NRXN3: variants seen among roughly 807,000 people sequenced by gnomAD.
NRXN3 encodes neurexin 3.
In NRXN3, 32 loss-of-function variants were observed where a neutral mutation model predicts 137.6. The ratio of observed to expected loss-of-function variants is 0.23; its 90% CI spans 0.18 to 0.31. NRXN3 has a LOEUF of 0.31. Among genes scored for constraint, NRXN3 ranks in the 10% least tolerant of loss-of-function variants. The pLI is 1.00. For missense variants in NRXN3, 1,574 were observed against 2,062.5 expected (o/e 0.76, Z 4.59); for synonymous variants, 798 against 784.5 (o/e 1.02, Z -0.29).
intron 10 of NRXN3, among the ~76,000 whole-genome samples, chr14:78,939,595 T>A (rs2099349105): frequency 6.6e-6 from 1 of 152,220 alleles, no homozygotes; most frequent in Admixed American, 6.5e-5. Context: ...TGGCCATAGC[T>A]ATCACTTGCC....
chr14:79,153,407 GAGAGAGAGAA>G (rs1468794449), intron 15 of NRXN3, among the ~76,000 whole-genome samples: 3 of 151,904 alleles, frequency 2.0e-5, no homozygotes, highest in Admixed American at 6.6e-5. Flanking sequence ...CTTTTTATTT[GAGAGAGAGAA>G]AGAGAGAGAA....
At chr14:78,742,926 TA>T in intron 8 of NRXN3, among the ~76,000 whole-genome samples, 1 of 152,332 alleles carries the variant, frequency 6.6e-6, no homozygotes, top group African/African-American at 2.4e-5. Context: ...ACACCATCAT[TA>T]AACAATTCAA....
chr14:78,773,608 T>C (rs1350609837), intron 8 of NRXN3, among the ~76,000 whole-genome samples: 1 of 152,170 alleles, frequency 6.6e-6, no homozygotes, highest in Non-Finnish European at 1.5e-5. Flanking sequence ...AGTTGAGAAC[T>C]GCAAATTAAG....
At chr14:78,532,375 T>TTG (rs56788209) in intron 4 of NRXN3, among the ~76,000 whole-genome samples, 15,351 of 138,434 alleles carry the variant, frequency 0.11, 819 homozygotes, top group South Asian at 0.17. Context: ...TGATGATATT[T>TTG]TGTGTGTGTG....
At chr14:78,560,985 C>T (rs1052550404) in intron 4 of NRXN3, among the ~76,000 whole-genome samples, 5 of 152,156 alleles carry the variant, frequency 3.3e-5, no homozygotes, top group African/African-American at 1.2e-4. Flanking sequence ...TCAGGTTAGA[C>T]TTGATTATGC....
chr14:78,424,993 C>T (rs911692799), intron 4 of NRXN3, among the ~76,000 whole-genome samples: 5 of 152,196 alleles, frequency 3.3e-5, no homozygotes, highest in African/African-American at 1.2e-4. Flanking sequence ...TGTCTGAGGA[C>T]AGTGGCTTGT....
At chr14:79,767,709 C>T (rs1317879169) in intron 19 of NRXN3, among the ~76,000 whole-genome samples, 1 of 152,150 alleles carries the variant, frequency 6.6e-6, no homozygotes, top group Non-Finnish European at 1.5e-5. Context: ...AAAAGTAAGT[C>T]ACCCAAAGTT....
rs2099016908 is a variant in NRXN3 at position 78,843,030 on chromosome 14, T to A, written c.2275+32686T>A. Among the ~76,000 whole-genome samples, 3 of 152,056 alleles carry A rather than the reference T, an allele frequency of 2.0e-5. No individual in the cohort carries two copies. The South Asian group carries it at 6.2e-4, about 32-fold the overall frequency. On this transcript the variant is annotated intron_variant, in intron 10 of 20. Coordinates refer to ENST00000335750, the MANE Select transcript of NRXN3 (RefSeq NM_001330195.2). ...TCACAGGGTCCTGAGGCGACATACA[T>A]CCTCCTCAGCTTATGAAGATGATGG...
intron 4 of NRXN3, among the ~76,000 whole-genome samples, chr14:78,640,916 T>C (rs974166151): frequency 2.0e-5 from 3 of 152,228 alleles, no homozygotes; most frequent in African/African-American, 7.2e-5. Flanking sequence ...CCATTAGCTA[T>C]GTCAGTGCCT....
chr14:79,303,533 G>A (rs563576534), intron 15 of NRXN3, among the ~76,000 whole-genome samples: 20 of 152,102 alleles, frequency 1.3e-4, no homozygotes, highest in African/African-American at 3.6e-4. Context: ...CACATCCCTT[G>A]TGAAATAATT....
chr14:78,968,465 C>A, intron 14 of NRXN3, 119 bp downstream of exon 14: 1 of 814,372 alleles, frequency 1.2e-6, no homozygotes, highest in Admixed American at 2.7e-5. Flanking sequence ...TCATTTGCCA[C>A]GTGACATTGC....
rs569812991 is a variant in NRXN3 at position 79,032,252 on chromosome 14, G to A, written c.3262+44111G>A. On this transcript the variant is annotated intron_variant, in intron 15 of 20. Transcript: ENST00000335750. ...AACTTGAAGCTTGCTAAAATTTATA[G>A]CAATAACATTGAATTCAATTACATT... Among the ~76,000 whole-genome samples, 4 of 152,222 alleles carry A rather than the reference G, an allele frequency of 2.6e-5. No homozygotes were observed. In the East Asian group the frequency reaches 7.7e-4, roughly 29 times the overall value.
intron 4 of NRXN3, among the ~76,000 whole-genome samples, chr14:78,527,090 TA>T (rs2096391088): frequency 6.6e-6 from 1 of 152,226 alleles, no homozygotes; most frequent in African/African-American, 2.4e-5. Flanking sequence ...ACTAACTTCC[TA>T]AAGTCACCAA....
At chr14:79,308,811 A>G (rs956655459) in intron 15 of NRXN3, among the ~76,000 whole-genome samples, 1 of 140,426 alleles carries the variant, frequency 7.1e-6, no homozygotes, top group Admixed American at 7.1e-5. Context: ...TACAACAGCC[A>G]GTGTTTGTTC....
rs567777414 is a variant in NRXN3, at chr14:78,192,707, C to T, written c.-704+22033C>T. Among the ~76,000 whole-genome samples the T allele has an allele frequency of 5.3e-5, 8 of 152,196 alleles. No individual in the cohort carries two copies. In the South Asian group the frequency reaches 1.0e-3, roughly 20 times the overall value. ...TGAGGAGCCATCAGACGCTTGGCAC[C>T]GAAATTCCTCTCCTAGAGAGGGTGG... On this transcript the variant is annotated intron_variant, in intron 1 of 20. Transcript: ENST00000335750.
intron 15 of NRXN3, among the ~76,000 whole-genome samples, chr14:79,004,113 T>C (rs1183967067): frequency 1.3e-5 from 2 of 152,184 alleles, no homozygotes; most frequent in African/African-American, 4.8e-5. Flanking sequence ...TTAGAATATG[T>C]AGATAATAAA....
At chr14:79,563,872 C>G (rs1424709385) in intron 16 of NRXN3, among the ~76,000 whole-genome samples, 2 of 151,972 alleles carry the variant, frequency 1.3e-5, no homozygotes, top group African/African-American at 2.4e-5. Flanking sequence ...GCAGCCACCT[C>G]TCTTGTAAAT....
intron 14 of NRXN3, among the ~76,000 whole-genome samples, chr14:78,975,730 T>G (rs1441999074): frequency 6.6e-6 from 1 of 152,152 alleles, no homozygotes; most frequent in Non-Finnish European, 1.5e-5. Flanking sequence ...CCCTTTCACA[T>G]GAAACCTCAA....
At chr14:78,198,353 C>T (rs1246177947) in intron 1 of NRXN3, among the ~76,000 whole-genome samples, 1 of 152,232 alleles carries the variant, frequency 6.6e-6, no homozygotes, top group African/African-American at 2.4e-5. Flanking sequence ...TGCCCAGCCA[C>T]ATCCTGGCTT....
Sources: allele counts gnomAD v4.1 joint callset (sites outside exome capture counted in the v4.1 genomes callset), GRCh38; gene constraint gnomAD v4.1.1; transcripts MANE v1.5; gene names NCBI Gene and HGNC (gene_info 2026-07-23, HGNC 2026-07-21).